The following SLC16A7 variants were observed in gnomAD, a reference collection of about 807,000 sequenced individuals.
SLC16A7 encodes the protein monocarboxylate transporter 2.
A neutral mutation model predicts 34.9 loss-of-function variants in SLC16A7; 33 were observed. The ratio of observed to expected loss-of-function variants is 0.94; its 90% CI spans 0.72 to 1.26. The LOEUF (loss-of-function observed/expected upper bound fraction) is 1.26, where lower values mean the gene tolerates loss of function less well. Among genes scored for constraint, SLC16A7 ranks in the 50% most tolerant of loss-of-function variants. The pLI, the probability that SLC16A7 is intolerant of heterozygous loss-of-function variation, is 0.00. For synonymous variants in SLC16A7, 201 were observed against 206.6 expected (o/e 0.97, Z 0.23); for missense variants, 573 against 578.1 (o/e 0.99, Z 0.09).
Position 59,704,912 on chromosome 12 carries a change from C to T in SLC16A7, c.111C>T (p.Pro37=). The T allele has an allele frequency of 6.2e-7, 1 of 1,613,362 alleles. No individual in the cohort carries two copies. The highest frequency in any genetic ancestry group is 1.3e-5 in the African/African-American group (1 of 74,990). ...FISIGFSYAF[P]KAVTVFFKEI... is the part of the protein sequence containing the mutation. The stretch of plus-strand genomic sequence containing the variant: ...CCATTGGATTTTCCTATGCATTCCC[C>T]AAAGCTGTCACCGTATTCTTCAAAG... The change falls in exon 3 of 6, where the codon CCC becomes CCT. Residue 37 remains proline (P), a synonymous_variant. Coordinates refer to ENST00000547379, the MANE Select transcript of SLC16A7 (RefSeq NM_001270623.2).
At chr12:59,667,815 C>T (rs765506828) in intron 2 of SLC16A7, among the ~76,000 whole-genome samples, 1 of 152,162 alleles carries the variant, frequency 6.6e-6, no homozygotes, top group Non-Finnish European at 1.5e-5. Flanking sequence ...GCCTGGAGGC[C>T]TAGGAGGGAA....
chr12:59,779,200 T>A (rs943709387), intron 5 of SLC16A7, among the ~76,000 whole-genome samples: 1 of 152,082 alleles, frequency 6.6e-6, no homozygotes, highest in Non-Finnish European at 1.5e-5. Flanking sequence ...AGAGAAATAA[T>A]TTTTAGTAAA....
intron 3 of SLC16A7, among the ~76,000 whole-genome samples, chr12:59,766,415 T>C (rs368957880): frequency 0.081 from 12,348 of 151,872 alleles, 581 homozygotes; most frequent in Middle Eastern, 0.17. Context: ...TGCCAGTTTT[T>C]AAAGGGAATG....
chr12:59,699,296 A>C (rs1872629044), intron 2 of SLC16A7, among the ~76,000 whole-genome samples: 1 of 151,858 alleles, frequency 6.6e-6, no homozygotes, highest in South Asian at 2.1e-4. Flanking sequence ...AAGCATAACT[A>C]GTAAAATAAA....
intron 2 of SLC16A7, among the ~76,000 whole-genome samples, chr12:59,703,297 T>C (rs1873103096): frequency 6.6e-6 from 1 of 152,118 alleles, no homozygotes; most frequent in African/African-American, 2.4e-5. Context: ...TTTGCCTTTT[T>C]CATACCATTT....
In SLC16A7 at chr12:59,708,169, A is replaced by G. The variant is rs528049768; in HGVS notation, c.217+3151A>G. ...GTAACTATTTAGAACAAAAAGTCTG[A>G]TATAGTCAGTTAATCTAAGACACAG... On this transcript the variant is annotated intron_variant, in intron 3 of 5. Transcript: ENST00000547379. 3.9e-5 allele frequency among the ~76,000 whole-genome samples: 6 copies of G among 152,222 alleles called. No individual in the cohort carries two copies. The South Asian group carries it at 1.2e-3, about 32-fold the overall frequency.
intron 3 of SLC16A7, among the ~76,000 whole-genome samples, chr12:59,734,968 A>G (rs1592602466): frequency 1.3e-5 from 2 of 152,208 alleles, no homozygotes; most frequent in Non-Finnish European, 1.5e-5. Flanking sequence ...ATTGACACCA[A>G]TAAAGCCCAA....
chr12:59,687,299 C>G (rs185700505), intron 2 of SLC16A7, among the ~76,000 whole-genome samples: 12 of 152,084 alleles, frequency 7.9e-5, no homozygotes, highest in African/African-American at 2.4e-4. Context: ...TGCTATCCTG[C>G]TATTATGGCC....
intron 3 of SLC16A7, among the ~76,000 whole-genome samples, chr12:59,731,568 T>C (rs1251200282): frequency 1.3e-5 from 2 of 152,194 alleles, no homozygotes; most frequent in Admixed American, 6.5e-5. Context: ...CTAAGAACTT[T>C]GAATTTAAAA....
intron 2 of SLC16A7, among the ~76,000 whole-genome samples, chr12:59,691,343 C>T (rs902884613): frequency 2.0e-5 from 3 of 151,832 alleles, no homozygotes; most frequent in African/African-American, 7.3e-5. Context: ...AGAGGGGGTT[C>T]TTGAGTTGTT....
intron 2 of SLC16A7, among the ~76,000 whole-genome samples, chr12:59,690,916 A>G (rs902831712): frequency 1.3e-5 from 2 of 152,062 alleles, no homozygotes; most frequent in African/African-American, 4.8e-5. Flanking sequence ...ATTTAGCTAC[A>G]AGGAGAAAAT....
chr12:59,758,634 T>C (rs1880673468), intron 3 of SLC16A7, among the ~76,000 whole-genome samples: 1 of 152,066 alleles, frequency 6.6e-6, no homozygotes, highest in East Asian at 1.9e-4. Context: ...TGATTACCAG[T>C]TTATATGTAC....
intron 3 of SLC16A7, among the ~76,000 whole-genome samples, chr12:59,717,455 G>A (rs1016392579): frequency 1.3e-5 from 2 of 152,192 alleles, no homozygotes; most frequent in Admixed American, 1.3e-4. Context: ...CTGATAAAAT[G>A]AACTGTAAGT....
intron 3 of SLC16A7, among the ~76,000 whole-genome samples, chr12:59,714,199 T>G (rs942540178): frequency 2.0e-5 from 3 of 152,122 alleles, no homozygotes; most frequent in African/African-American, 7.2e-5. Flanking sequence ...TGAATGTGAT[T>G]GATCTATGGT....
intron 3 of SLC16A7, among the ~76,000 whole-genome samples, chr12:59,732,997 G>A (rs1055983508): frequency 2.0e-5 from 3 of 152,168 alleles, no homozygotes; most frequent in African/African-American, 7.2e-5. Context: ...GGGCTCTTGG[G>A]AGGTGAGCAA....
At chr12:59,633,644 GAA>G (rs111470290) in intron 1 of SLC16A7, among the ~76,000 whole-genome samples, 3 of 142,094 alleles carry the variant, frequency 2.1e-5, no homozygotes, top group African/African-American at 5.1e-5. Context: ...GGTAATTTAT[GAA>G]AAAAAAAAAA....
At chr12:59,757,605 A>G (rs1035487759) in intron 3 of SLC16A7, among the ~76,000 whole-genome samples, 1 of 152,092 alleles carries the variant, frequency 6.6e-6, no homozygotes, top group Non-Finnish European at 1.5e-5. Flanking sequence ...CAAAAATGTC[A>G]GACAGAAATT....
rs548245562 is a variant in SLC16A7, at chr12:59,752,909, G to A, written c.218-18310G>A. Among the ~76,000 whole-genome samples the A allele has an allele frequency of 2.9e-3, 437 of 152,198 alleles. 5 individuals carry two copies. Among genetic ancestry groups the A allele is most frequent in the Admixed American group, 7.9e-3 (120 of 15,284 alleles). ...CCATCAGACTAACAGCGGATCTCTC[G>A]GCAGAAACTCTACAAGCCAGAAGAG... On this transcript the variant is annotated intron_variant, in intron 3 of 5. Transcript: ENST00000547379.
intron 1 of SLC16A7, among the ~76,000 whole-genome samples, chr12:59,624,670 G>A (rs56127945): frequency 0.059 from 8,964 of 151,490 alleles, 845 homozygotes; most frequent in African/African-American, 0.2. Flanking sequence ...TTAATCTGCA[G>A]GTGATATTTT....
Sources: allele counts gnomAD v4.1 joint callset (sites outside exome capture counted in the v4.1 genomes callset), GRCh38; gene constraint gnomAD v4.1.1; transcripts MANE v1.5; gene names NCBI Gene and HGNC (gene_info 2026-07-23, HGNC 2026-07-21).